The following PCDHGA1 variants were observed in gnomAD, a reference collection of about 807,000 sequenced individuals.
The protein encoded by PCDHGA1 is protocadherin gamma-A1.
PCDHGA1 carries 32 observed loss-of-function variants against 58.0 expected under a neutral mutation model. That is an observed-to-expected ratio of 0.55 (90% CI 0.42 to 0.74). The LOEUF is 0.74. Among genes scored for constraint, PCDHGA1 ranks in the 30% least tolerant of loss-of-function variants. PCDHGA1 has a pLI of 0.00. For missense variants in PCDHGA1, 1,205 were observed against 1,182.3 expected (o/e 1.02, Z -0.28); for synonymous variants, 498 against 501.1 (o/e 0.99, Z 0.08).
intron 3 of PCDHGA1, among the ~76,000 whole-genome samples, chr5:141,509,066 C>A (rs1215686419): frequency 6.6e-6 from 1 of 152,172 alleles, no homozygotes; most frequent in Non-Finnish European, 1.5e-5. Context: ...GCTCTCAGCT[C>A]CGGGGATTTG....
chr5:141,384,360 C>T (rs1321195409), intron 1 of PCDHGA1: 2 of 1,613,902 alleles, frequency 1.2e-6, no homozygotes, highest in Non-Finnish European at 1.7e-6. Flanking sequence ...ATGCCCAGAT[C>T]ACTTATTCCT....
intron 1 of PCDHGA1, chr5:141,346,651 A>G: frequency 1.2e-6 from 1 of 802,000 alleles, no homozygotes; most frequent in Non-Finnish European, 1.9e-6. Flanking sequence ...GAGTGGGCTT[A>G]GGGAAAAAAT....
chr5:141,430,984 C>G (rs765063685), intron 1 of PCDHGA1: 2 of 1,613,530 alleles, frequency 1.2e-6, no homozygotes, highest in Non-Finnish European at 1.7e-6. Flanking sequence ...CGCAGCTTTT[C>G]GCCCTGAATC....
chr5:141,446,253 A>T (rs1452074783), intron 1 of PCDHGA1, among the ~76,000 whole-genome samples: 3 of 152,164 alleles, frequency 2.0e-5, no homozygotes, highest in African/African-American at 7.2e-5. Context: ...CTTCAGTGAA[A>T]TATTATTAAC....
chr5:141,332,146 A>G lies in PCDHGA1; in HGVS notation c.1462A>G (p.Thr488Ala), dbSNP rs373079276. Residue 488 changes from threonine to alanine, a missense_variant, in exon 1 of 4, where the codon ACT becomes GCT. Thr to Ala is a moderately conservative substitution (Grantham distance 58). Coordinates refer to ENST00000517417, the MANE Select transcript of PCDHGA1 (RefSeq NM_018912.3). The surrounding 1 kb of genome is among the most constrained non-coding windows in gnomAD (Gnocchi z 4.6). Reference protein sequence around the residue: ...DLDSNENAQITYSLIEDTIQG... With the variant: ...DLDSNENAQIAYSLIEDTIQG... Reference sequence around the variant, plus strand: ...GGACAGCAATGAGAATGCACAAATCACTTACTCCCTAATAGAGGACACTAT... The same window carrying G: ...GGACAGCAATGAGAATGCACAAATCGCTTACTCCCTAATAGAGGACACTAT... The G allele has an allele frequency of 1.2e-6, 2 of 1,614,002 alleles. No homozygotes were observed. The highest frequency in any genetic ancestry group is 2.7e-5 in the African/African-American group (2 of 74,906).
chr5:141,345,436 G>C (rs1757572713), intron 1 of PCDHGA1: 1 of 1,613,908 alleles, frequency 6.2e-7, no homozygotes, highest in Admixed American at 1.7e-5. Context: ...AACCCCAGAG[G>C]AGCCTCCATC....
chr5:141,490,111 A>G lies in PCDHGA1; in HGVS notation c.2422-4696A>G. 6.2e-7 allele frequency: 1 copy of G among 1,614,244 alleles called. No individual in the cohort carries two copies. The highest frequency in any genetic ancestry group is 8.5e-7 in the Non-Finnish European group (1 of 1,180,042). On this transcript the variant is annotated intron_variant, in intron 1 of 3. Coordinates refer to ENST00000517417, the MANE Select transcript of PCDHGA1 (RefSeq NM_018912.3). The surrounding 1 kb of genome is among the most constrained non-coding windows in gnomAD (Gnocchi z 5.4). ...AGACCACACATCTGAGGCAGTGCGGAACCTCTTTGGCCTAGACCCTAGCAG... is the reference window on the plus strand; with the variant it reads ...AGACCACACATCTGAGGCAGTGCGGGACCTCTTTGGCCTAGACCCTAGCAG...
rs750109717 is a variant in PCDHGA1, at chr5:141,490,546, A to C, written c.2422-4261A>C. 1.9e-6 allele frequency: 3 copies of C among 1,614,110 alleles called. No individual in the cohort carries two copies. Among genetic ancestry groups the C allele is most frequent in the Non-Finnish European group, 2.5e-6 (3 of 1,180,036 alleles). On this transcript the variant is annotated intron_variant, in intron 1 of 3. Transcript: ENST00000517417. The surrounding 1 kb of genome is among the most constrained non-coding windows in gnomAD (Gnocchi z 5.4). ...CGATGCTGGTTCACCTTCCCTACAC[A>C]AACATCTCACCATCAGGCTCAACAT...
In PCDHGA1 at chr5:141,434,333, G is replaced by A. The variant is rs200059384; in HGVS notation, c.2422-60474G>A. On this transcript the variant is annotated intron_variant, in intron 1 of 3. Coordinates refer to ENST00000517417, the MANE Select transcript of PCDHGA1 (RefSeq NM_018912.3). The stretch of plus-strand genomic sequence containing the variant: ...TCTTCCTCTTGCTGCTTGTCTCTTT[G>A]TGTCGGGAACAGGCCCCCCAAAATC... Among the ~76,000 whole-genome samples, 23 of 152,220 alleles carry A rather than the reference G, an allele frequency of 1.5e-4. No individual in the cohort carries two copies. In the East Asian group the frequency reaches 4.3e-3, roughly 28 times the overall value.
intron 1 of PCDHGA1, chr5:141,364,103 C>A (rs575957272): frequency 7.3e-6 from 3 of 411,130 alleles, no homozygotes; most frequent in Middle Eastern, 6.3e-4. Flanking sequence ...GATGCAGTCA[C>A]TGGTTAGGAC....
At chr5:141,421,030 G>C (rs989158485) in intron 1 of PCDHGA1, 2 of 532,352 alleles carry the variant, frequency 3.8e-6, no homozygotes, top group African/African-American at 3.9e-5. Context: ...GCGCCATTGA[G>C]TCCCTCCCTC....
At position 141,405,128 on chromosome 5, in the gene PCDHGA1, C is replaced by T. The variant is rs373084923; in HGVS notation, c.2421+72023C>T. On this transcript the variant is annotated intron_variant, in intron 1 of 3. Transcript: ENST00000517417. ...GCACTGGCACTCCTCGCATCTGCTG[C>T]GGGCTACCAGTGATGGGTTGGCTGG... is the stretch of plus-strand genomic sequence containing the variant. The T allele has an allele frequency of 4.8e-5, 78 of 1,614,002 alleles. No individual in the cohort carries two copies. The highest frequency in any genetic ancestry group is 2.8e-4 in the African/African-American group (21 of 75,052).
intron 1 of PCDHGA1, among the ~76,000 whole-genome samples, chr5:141,472,718 G>A (rs980710833): frequency 1.3e-5 from 2 of 152,002 alleles, no homozygotes; most frequent in Non-Finnish European, 2.9e-5. Context: ...AGGCGCTGTG[G>A]CTCACACCTG....
At chr5:141,379,666 A>C (rs1254771519) in intron 1 of PCDHGA1, 1 of 152,160 alleles carries the variant, frequency 6.6e-6, no homozygotes, top group East Asian at 1.9e-4. Context: ...CTCTCACAAA[A>C]GTCATTCACT....
intron 2 of PCDHGA1, among the ~76,000 whole-genome samples, chr5:141,499,689 CTTTTT>C (rs545067566): frequency 3.3e-5 from 4 of 119,852 alleles, no homozygotes; most frequent in Non-Finnish European, 3.5e-5. Flanking sequence ...TAACAGATGA[CTTTTT>C]TTTTTTTTTT....
At chr5:141,427,570 C>A in intron 1 of PCDHGA1, 1 of 662,270 alleles carries the variant, frequency 1.5e-6, no homozygotes, top group Non-Finnish European at 2.8e-6. Flanking sequence ...GGCAAGCCTC[C>A]GCTCTCATCC....
rs2099641707 is a variant in PCDHGA1 at position 141,487,238 on chromosome 5, C to T, written c.2422-7569C>T. 1.2e-6 allele frequency: 2 copies of T among 1,614,056 alleles called. No individual in the cohort carries two copies. The highest frequency in any genetic ancestry group is 1.7e-6 in the Non-Finnish European group (2 of 1,180,022). On this transcript the variant is annotated intron_variant, in intron 1 of 3. Transcript: ENST00000517417. This position sits in a 1 kb window ranked among gnomAD's most constrained non-coding sequence, Gnocchi z 5.0. ...AGCTCCAAGGGAAGGAGAATCTCGT[C>T]TAACCCTCTACTTGGCTGTGTCCCT...
At chr5:141,352,270 C>T in intron 1 of PCDHGA1, 1 of 1,614,072 alleles carries the variant, frequency 6.2e-7, no homozygotes, top group African/African-American at 1.3e-5. Flanking sequence ...TATTGCCAGA[C>T]CTCAGCGACC....
intron 1 of PCDHGA1, chr5:141,400,715 T>C: frequency 1.5e-6 from 1 of 682,576 alleles, no homozygotes; most frequent in Non-Finnish European, 2.4e-6. Context: ...AGTAGCCTTA[T>C]AGATTTACAA....
Sources: allele counts gnomAD v4.1 joint callset (sites outside exome capture counted in the v4.1 genomes callset), GRCh38; gene constraint gnomAD v4.1.1; non-coding constraint Gnocchi (gnomAD v3.1); transcripts MANE v1.5; gene names NCBI Gene and HGNC (gene_info 2026-07-23, HGNC 2026-07-21).